Variants in HPSE2 observed in about 807,000 individuals in gnomAD.
HPSE2 encodes the protein heparanase 2 (inactive).
Under a neutral mutation model 60.5 loss-of-function variants are expected in HPSE2, and 38 were observed. That is an observed-to-expected ratio of 0.63 (90% confidence interval 0.48 to 0.82). The LOEUF is 0.82. Ranked by LOEUF, HPSE2 falls within the 40% of genes least tolerant of loss-of-function variation. The pLI is 0.00. For missense variants in HPSE2, 713 were observed against 740.4 expected, an observed-to-expected ratio of 0.96 and a Z score of 0.43; for synonymous variants, 295 against 293.2, an observed-to-expected ratio of 1.01 and a Z score of -0.06.
intron 3 of HPSE2, among the ~76,000 whole-genome samples, chr10:98,987,047 C>T (rs1161814947): frequency 1.3e-5 from 2 of 151,944 alleles, no homozygotes; most frequent in African/African-American, 4.8e-5. Flanking sequence ...GATTCACAGC[C>T]GAATTCTACC....
At chr10:99,305,971 G>GCA in the HPSE2 span, among the ~76,000 whole-genome samples, 405 of 41,940 alleles carry the variant, frequency 9.7e-3, 2 homozygotes, top group Non-Finnish European at 0.011. Context: ...ACGCGCGCGC[G>GCA]CGCGCGCGCA....
At chr10:99,148,665 C>T (rs917469522) in intron 2 of HPSE2, among the ~76,000 whole-genome samples, 1 of 152,082 alleles carries the variant, frequency 6.6e-6, no homozygotes, top group Non-Finnish European at 1.5e-5. Flanking sequence ...TGGCGCATGC[C>T]TGTAATCCCA....
chr10:99,113,382 A>T (rs1844549289), intron 3 of HPSE2, among the ~76,000 whole-genome samples: 1 of 152,186 alleles, frequency 6.6e-6, no homozygotes, highest in South Asian at 2.1e-4. Flanking sequence ...GGAATAAAGG[A>T]CTTCACAGGT....
At position 98,654,775 on chromosome 10, in the gene HPSE2, T is replaced by A. The variant is rs182770378; in HGVS notation, c.1005-12835A>T. Among the ~76,000 whole-genome samples the A allele has an allele frequency of 2.6e-5, 4 of 152,344 alleles. No individual in the cohort carries two copies. The East Asian group carries it at 7.7e-4, about 29-fold the overall frequency. ...TTGCTTTTGGCTTACTTTCTAATTT[T>A]TTTTGTTGAAAACTGACATGCTGAA... On this transcript the variant is annotated intron_variant, in intron 6 of 11. Coordinates refer to ENST00000370552, the MANE Select transcript of HPSE2 (RefSeq NM_021828.5).
chr10:99,070,383 T>C (rs921988790), intron 3 of HPSE2, among the ~76,000 whole-genome samples: 1 of 152,198 alleles, frequency 6.6e-6, no homozygotes, highest in African/African-American at 2.4e-5. Context: ...TGTTATTCAT[T>C]AGTAAAATGC....
intron 3 of HPSE2, among the ~76,000 whole-genome samples, chr10:98,840,691 C>T (rs1457499441): frequency 6.6e-6 from 1 of 151,942 alleles, no homozygotes; most frequent in Middle Eastern, 3.2e-3. Context: ...TCAGCTGAAA[C>T]ATGAAATGGA....
At chr10:98,743,774 C>T (rs903866971) in intron 4 of HPSE2, 109 bp downstream of exon 4, 29 of 1,014,922 alleles carry the variant, frequency 2.9e-5, no homozygotes, top group South Asian at 5.2e-5. Flanking sequence ...ACATCACAAA[C>T]GTTTTCTGGG....
intron 11 of HPSE2, among the ~76,000 whole-genome samples, chr10:98,481,410 G>C (rs1591244486): frequency 1.3e-5 from 2 of 152,120 alleles, no homozygotes; most frequent in South Asian, 4.1e-4. Context: ...CCAGAACCAG[G>C]TCTCCTGCCT....
chr10:98,956,781 T>C (rs1349267890), intron 3 of HPSE2, among the ~76,000 whole-genome samples: 1 of 123,126 alleles, frequency 8.1e-6, no homozygotes, highest in Non-Finnish European at 1.7e-5. Context: ...GTTGCTCAGC[T>C]GTGTGGCAAT....
At chr10:99,217,883 C>G (rs1019436010) in intron 2 of HPSE2, among the ~76,000 whole-genome samples, 4 of 152,016 alleles carry the variant, frequency 2.6e-5, no homozygotes, top group Non-Finnish European at 5.9e-5. Flanking sequence ...ACTGTGCCTG[C>G]CCCCAATATT....
At chr10:98,569,181 A>T (rs1489932389) in intron 9 of HPSE2, among the ~76,000 whole-genome samples, 3 of 151,260 alleles carry the variant, frequency 2.0e-5, no homozygotes, top group Non-Finnish European at 4.4e-5. Context: ...CTCCAGCCTC[A>T]GCCTCCTGAG....
the HPSE2 span, among the ~76,000 whole-genome samples, chr10:99,254,491 C>T: frequency 2.6e-5 from 4 of 151,804 alleles, no homozygotes; most frequent in Non-Finnish European, 2.9e-5. Context: ...ACCTCAGCAT[C>T]GTGCAATATA....
At chr10:99,154,119 C>T (rs1238287531) in intron 2 of HPSE2, among the ~76,000 whole-genome samples, 13 of 146,846 alleles carry the variant, frequency 8.9e-5, no homozygotes, top group Non-Finnish European at 1.2e-4. Flanking sequence ...ACCAAATCTA[C>T]GTCTGATTGG....
intron 3 of HPSE2, among the ~76,000 whole-genome samples, chr10:99,040,424 A>G (rs1309386995): frequency 6.6e-6 from 1 of 152,136 alleles, no homozygotes; most frequent in Non-Finnish European, 1.5e-5. Context: ...TAATTTGTAT[A>G]CCAATTTATA....
At chr10:98,593,284 G>T (rs1564995633) in intron 9 of HPSE2, among the ~76,000 whole-genome samples, 1 of 152,200 alleles carries the variant, frequency 6.6e-6, no homozygotes, top group Admixed American at 6.5e-5. Flanking sequence ...TACTGAGTAT[G>T]TTGTGGGTAA....
intron 7 of HPSE2, among the ~76,000 whole-genome samples, chr10:98,628,492 T>C (rs1179504610): frequency 6.6e-6 from 1 of 152,206 alleles, no homozygotes; most frequent in African/African-American, 2.4e-5. Flanking sequence ...TGAGAAATGA[T>C]GTGCCAATGA....
At chr10:99,278,097 A>G in the HPSE2 span, among the ~76,000 whole-genome samples, 51 of 151,762 alleles carry the variant, frequency 3.4e-4, no homozygotes, top group Middle Eastern at 0.01. Context: ...TCTCAAAAAA[A>G]AAAAAAAAAA....
intron 3 of HPSE2, among the ~76,000 whole-genome samples, chr10:98,868,379 G>A (rs761864890): frequency 6.4e-4 from 97 of 152,106 alleles, no homozygotes; most frequent in Admixed American, 1.0e-3. Context: ...CAGCGGGGAG[G>A]TGGGGATGGT....
chr10:98,988,846 G>A (rs973782451), intron 3 of HPSE2, among the ~76,000 whole-genome samples: 21 of 132,940 alleles, frequency 1.6e-4, no homozygotes, highest in African/African-American at 5.3e-4. Context: ...GACATGAACA[G>A]ACACTTCTCA....
Sources: gnomAD v4.1 joint callset for allele counts (sites outside exome capture counted in the v4.1 genomes callset) on GRCh38, gnomAD v4.1.1 for gene constraint, MANE v1.5 for transcripts, NCBI Gene and HGNC (gene_info 2026-07-23, HGNC 2026-07-21) for gene names.